Variants in MAPT observed in about 807,000 individuals in gnomAD.
MAPT encodes the protein microtubule associated protein tau, also known as microtubule-associated protein tau.
Under a neutral mutation model 67.9 loss-of-function variants are expected in MAPT, and 34 were observed. The ratio of observed to expected loss-of-function variants is 0.50; its 90% CI spans 0.38 to 0.67. The LOEUF (loss-of-function observed/expected upper bound fraction) is 0.67, where lower values mean the gene tolerates loss of function less well. Among genes scored for constraint, MAPT ranks in the 30% least tolerant of loss-of-function variants. MAPT has a pLI of 0.00. For synonymous variants in MAPT, 456 were observed against 464.5 expected, an observed-to-expected ratio of 0.98 and a Z score of 0.23; for missense variants, 881 against 1,115.2, an observed-to-expected ratio of 0.79 and a Z score of 2.99.
At chr17:46,003,369 C>T (rs2075175756) in intron 9 of MAPT, among the ~76,000 whole-genome samples, 1 of 152,056 alleles carries the variant, frequency 6.6e-6, no homozygotes, top group Non-Finnish European at 1.5e-5. Context: ...ACCTCCGCCT[C>T]CCAGGTTGAA....
chr17:45,986,130 G>GT, intron 5 of MAPT, among the ~76,000 whole-genome samples: 1 of 152,348 alleles, frequency 6.6e-6, no homozygotes, highest in Admixed American at 6.5e-5. Context: ...CTGTGGGAAT[G>GT]TATGATGGTA....
At position 45,956,589 on chromosome 17, in the gene MAPT, TATATATATA is replaced by T. The variant is rs1568231036; in HGVS notation, c.-17-5731_-17-5723del. Among the ~76,000 whole-genome samples, 36 of 23,592 alleles carry T rather than the reference TATATATATA, an allele frequency of 1.5e-3. 1 individual carries two copies. The highest frequency in any genetic ancestry group is 4.5e-3 in the African/African-American group (35 of 7,718). 15.5% of individuals were successfully genotyped at this position (23,592 alleles called of 152,430 possible). On this transcript the variant is annotated intron_variant, in intron 1 of 12. Coordinates refer to ENST00000262410, the MANE Select transcript of MAPT (RefSeq NM_001377265.1). ...ATATATATATATATATATATATATA[TATATATATA>T]TATTTTTTATTATTATACTTTAAGT...
At chr17:45,934,684 AC>A (rs2067159409) in intron 1 of MAPT, among the ~76,000 whole-genome samples, 1 of 152,128 alleles carries the variant, frequency 6.6e-6, no homozygotes, top group Non-Finnish European at 1.5e-5. Context: ...AAAATTCTGA[AC>A]CCTGCTGTCT....
At chr17:45,955,402 T>C (rs17571718) in intron 1 of MAPT, among the ~76,000 whole-genome samples, 21,824 of 152,294 alleles carry the variant, frequency 0.14, 2,138 homozygotes, top group Non-Finnish European at 0.22. Context: ...CAGCTCCCTA[T>C]GAACAGTTGC....
Position 45,906,178 on chromosome 17 carries a change from T to C in MAPT, c.-18+11492T>C, listed in dbSNP as rs996099231. 1.3e-5 allele frequency among the ~76,000 whole-genome samples: 2 copies of C among 152,174 alleles called. No homozygotes were observed. Among genetic ancestry groups the C allele is most frequent in the Non-Finnish European group, 2.9e-5 (2 of 68,030 alleles). ...GCCTTGAGCATGACCTCAAGTGATT[T>C]CCAGCCCCTGCCAGTGCTGACTTCT... On this transcript the variant is annotated intron_variant, in intron 1 of 12. Transcript: ENST00000262410. This position sits in a 1 kb window ranked among gnomAD's most constrained non-coding sequence, Gnocchi z 4.3.
At chr17:45,955,925 G>A (rs1242191066) in intron 1 of MAPT, among the ~76,000 whole-genome samples, 1 of 152,106 alleles carries the variant, frequency 6.6e-6, no homozygotes, top group Non-Finnish European at 1.5e-5. Context: ...TAGTAGAGAC[G>A]GGGTTTCCCT....
At chr17:45,933,562 C>T (rs1047753171) in intron 1 of MAPT, among the ~76,000 whole-genome samples, 2 of 151,094 alleles carry the variant, frequency 1.3e-5, no homozygotes, top group Admixed American at 6.6e-5. Context: ...TCTCTAGAGA[C>T]AGTCCAGCCC....
At chr17:45,941,657 C>T (rs1285357973) in intron 1 of MAPT, among the ~76,000 whole-genome samples, 8 of 52,856 alleles carry the variant, frequency 1.5e-4, no homozygotes, top group East Asian at 2.7e-3. Context: ...CCCCCTTCCA[C>T]CCTTCCCCCC....
intron 5 of MAPT, 150 bp downstream of exon 5, chr17:45,984,080 T>G: frequency 4.3e-6 from 3 of 704,580 alleles, no homozygotes; most frequent in Non-Finnish European, 7.1e-6. Flanking sequence ...GTGCAGCTGC[T>G]CCACTCCCTC....
At chr17:45,936,982 C>T (rs1476167122) in intron 1 of MAPT, among the ~76,000 whole-genome samples, 1 of 152,204 alleles carries the variant, frequency 6.6e-6, no homozygotes, top group Non-Finnish European at 1.5e-5. Context: ...CTGTCTGATT[C>T]ATGGCTCAAA....
At chr17:45,967,608 TA>T (rs2071219368) in intron 2 of MAPT, among the ~76,000 whole-genome samples, 1 of 152,162 alleles carries the variant, frequency 6.6e-6, no homozygotes, top group African/African-American at 2.4e-5. Context: ...GACAGTGTTT[TA>T]ACAAAGGGCA....
At chr17:46,000,998 G>A (rs2074953367) in intron 9 of MAPT, among the ~76,000 whole-genome samples, 1 of 152,208 alleles carries the variant, frequency 6.6e-6, no homozygotes, top group African/African-American at 2.4e-5. Context: ...GGAGGCCAAG[G>A]CAGAAGGATC....
chr17:46,010,448 AT>A lies in MAPT; in HGVS notation c.2091+48del. On this transcript the variant is annotated intron_variant, in intron 10 of 12. Coordinates refer to ENST00000262410, the MANE Select transcript of MAPT (RefSeq NM_001377265.1). The surrounding 1 kb of genome is among the most constrained non-coding windows in gnomAD (Gnocchi z 4.7). ...CATGCGCCGTGCTGTGGCTTGAATTATTAGGAAGTGGTGTGAGTGCGTACAC... is the reference window on the plus strand; with the variant it reads ...CATGCGCCGTGCTGTGGCTTGAATTATAGGAAGTGGTGTGAGTGCGTACAC... 1 of 1,339,454 alleles carries A rather than the reference AT, an allele frequency of 7.5e-7. No homozygotes were observed. Among genetic ancestry groups the A allele is most frequent in the Non-Finnish European group, 1.0e-6 (1 of 952,544 alleles). The allele number at this position is 1,339,454 out of a possible 1,614,324, so 83.0% of individuals were successfully genotyped here.
intron 10 of MAPT, 60 bp from the exon 11 acceptor site, chr17:46,014,183 T>C (rs1369341496): frequency 6.3e-6 from 6 of 954,214 alleles, no homozygotes; most frequent in Non-Finnish European, 1.0e-5. Context: ...ATCCTTTTTG[T>C]CTCTCTGTCT....
chr17:45,897,691 C>T lies in MAPT; in HGVS notation c.-18+3005C>T, dbSNP rs974348571. 12 of 152,430 alleles carry T rather than the reference C, an allele frequency of 7.9e-5. No homozygotes were observed. The highest frequency in any genetic ancestry group is 2.9e-4 in the African/African-American group (12 of 41,554). 9.4% of individuals were successfully genotyped at this position (152,430 alleles called of 1,614,324 possible). On this transcript the variant is annotated intron_variant, in intron 1 of 12. Coordinates refer to ENST00000262410, the MANE Select transcript of MAPT (RefSeq NM_001377265.1). This position sits in a 1 kb window ranked among gnomAD's most constrained non-coding sequence, Gnocchi z 5.0. Reference sequence around the variant, plus strand: ...TTCCGAGCGAGTGACCCCTCTCACCCTCTGGCGCTCACACACCTGTAACTC... The same window carrying T: ...TTCCGAGCGAGTGACCCCTCTCACCTTCTGGCGCTCACACACCTGTAACTC...
chr17:45,902,272 T>C (rs1390473535), intron 1 of MAPT, among the ~76,000 whole-genome samples: 1 of 152,170 alleles, frequency 6.6e-6, no homozygotes, highest in East Asian at 1.9e-4. Context: ...GGTATCGCCA[T>C]GTTGGCCAGG....
At chr17:45,982,194 T>C (rs2073040958) in intron 4 of MAPT, among the ~76,000 whole-genome samples, 2 of 151,732 alleles carry the variant, frequency 1.3e-5, no homozygotes. Context: ...TGGTGGCACG[T>C]GCCTGTAATC....
intron 1 of MAPT, among the ~76,000 whole-genome samples, chr17:45,928,045 G>T (rs2066519183): frequency 6.8e-6 from 1 of 147,478 alleles, no homozygotes; most frequent in African/African-American, 2.5e-5. Context: ...CAGCACTTTG[G>T]CAACTCCATC....
Position 45,983,715 on chromosome 17 carries a change from AC to A in MAPT, c.1137del (p.His379GlnfsTer101). 5 of 1,614,176 alleles carry A rather than the reference AC, an allele frequency of 3.1e-6. No individual in the cohort carries two copies. Among genetic ancestry groups the A allele is most frequent in the Non-Finnish European group, 4.2e-6 (5 of 1,180,028 alleles). On this transcript the variant is annotated frameshift_variant, in exon 5 of 13. Transcript: ENST00000262410. LOFTEE classifies it high-confidence loss of function. ...GQDAPLEFTF[H>X]VEITPNVQKE... Reference sequence around the variant, plus strand: ...GATGCCCCCCTGGAGTTCACGTTTCACGTGGAAATCACACCCAACGTGCAGA... The same window carrying A: ...GATGCCCCCCTGGAGTTCACGTTTCAGTGGAAATCACACCCAACGTGCAGA...
Sources: allele counts gnomAD v4.1 joint callset (sites outside exome capture counted in the v4.1 genomes callset), GRCh38; gene constraint gnomAD v4.1.1; non-coding constraint Gnocchi (gnomAD v3.1); transcripts MANE v1.5; gene names NCBI Gene and HGNC (gene_info 2026-07-23, HGNC 2026-07-21).